Variants in CNTNAP5 observed in about 807,000 individuals in gnomAD.
CNTNAP5 encodes contactin associated protein family member 5.
A neutral mutation model predicts 150.2 loss-of-function variants in CNTNAP5; 72 were observed. That is an observed-to-expected ratio of 0.48 (90% CI 0.40 to 0.58). The LOEUF is 0.58. Ranked by LOEUF, CNTNAP5 falls within the 20% of genes least tolerant of loss-of-function variation. The pLI is 0.00. For synonymous variants in CNTNAP5, 672 were observed against 619.8 expected, an observed-to-expected ratio of 1.08 and a Z score of -1.25; for missense variants, 1,636 against 1,626.2, an observed-to-expected ratio of 1.01 and a Z score of -0.10.
intron 1 of CNTNAP5, among the ~76,000 whole-genome samples, chr2:124,115,052 C>T (rs569199662): frequency 2.0e-5 from 3 of 151,886 alleles, no homozygotes; most frequent in Admixed American, 1.3e-4. Flanking sequence ...ATGATAATAG[C>T]ACATTATTAT....
chr2:124,571,532 T>TTTTC (rs61369793), intron 11 of CNTNAP5, among the ~76,000 whole-genome samples: 2 of 92,688 alleles, frequency 2.2e-5, no homozygotes, highest in African/African-American at 8.4e-5. Context: ...TTTTTCTTTT[T>TTTTC]TTTTTTTTTT....
At chr2:124,637,557 G>GT (rs922849174) in intron 12 of CNTNAP5, among the ~76,000 whole-genome samples, 23 of 152,196 alleles carry the variant, frequency 1.5e-4, no homozygotes, top group Non-Finnish European at 3.4e-4. Flanking sequence ...TTTACAACCA[G>GT]TGAGTGAGTT....
Position 124,479,893 on chromosome 2 carries a change from T to C in CNTNAP5, c.1062+5011T>C, listed in dbSNP as rs1014069952. On this transcript the variant is annotated intron_variant, in intron 7 of 23. Coordinates refer to ENST00000682447, the MANE Select transcript of CNTNAP5 (RefSeq NM_001367498.1). The stretch of plus-strand genomic sequence containing the variant: ...CTCATACATAAAATGAGGGCAAATA[T>C]AGTATCTACTTCAAAGTGTTAGTGT... Among the ~76,000 whole-genome samples the C allele has an allele frequency of 2.6e-5, 4 of 152,118 alleles. 1 individual carries two copies. The highest frequency in any genetic ancestry group is 1.3e-4 in the Admixed American group (2 of 15,264).
intron 8 of CNTNAP5, among the ~76,000 whole-genome samples, chr2:124,505,598 A>G (rs1472399326): frequency 6.6e-6 from 1 of 152,206 alleles, no homozygotes; most frequent in Non-Finnish European, 1.5e-5. Flanking sequence ...TACAGATCTT[A>G]CTGCCTAGCA....
At chr2:124,599,739 T>G (rs1305916678) in intron 11 of CNTNAP5, among the ~76,000 whole-genome samples, 1 of 152,182 alleles carries the variant, frequency 6.6e-6, no homozygotes, top group Non-Finnish European at 1.5e-5. Context: ...TTTGTTTTTG[T>G]TTTTGTTTTT....
intron 1 of CNTNAP5, among the ~76,000 whole-genome samples, chr2:124,040,748 C>G (rs891058109): frequency 1.3e-5 from 2 of 151,686 alleles, no homozygotes; most frequent in Admixed American, 1.3e-4. Context: ...AATTGTGAGA[C>G]TACAATAGAA....
At chr2:124,424,126 A>T (rs952605049) in intron 4 of CNTNAP5, among the ~76,000 whole-genome samples, 3 of 152,192 alleles carry the variant, frequency 2.0e-5, no homozygotes, top group African/African-American at 7.2e-5. Flanking sequence ...AAGTGGTATC[A>T]TCCAAAATTC....
chr2:124,446,862 G>T lies in CNTNAP5; in HGVS notation c.843G>T (p.Val281=). The T allele has an allele frequency of 1.2e-6, 2 of 1,613,934 alleles. No homozygotes were observed. The highest frequency in any genetic ancestry group is 1.7e-6 in the Non-Finnish European group (2 of 1,179,854). The part of the protein sequence containing the change: ...SVLIERVGKQ[V]NFTVDKHTQH... ...TCATTGAGCGGGTGGGCAAGCAGGTGAACTTCACGGTGGACAAGCACACAC... is the reference window on the plus strand; with the variant it reads ...TCATTGAGCGGGTGGGCAAGCAGGTTAACTTCACGGTGGACAAGCACACAC... Residue 281 remains valine (V), a synonymous_variant, in exon 6 of 24, where the codon GTG becomes GTT. Transcript: ENST00000682447.
At chr2:124,315,909 C>T (rs1243747141) in intron 3 of CNTNAP5, among the ~76,000 whole-genome samples, 3 of 152,192 alleles carry the variant, frequency 2.0e-5, no homozygotes, top group African/African-American at 7.2e-5. Context: ...TCTTCATTCT[C>T]ATCTTGAACA....
At chr2:124,377,905 C>T (rs1690691813) in intron 3 of CNTNAP5, among the ~76,000 whole-genome samples, 1 of 151,968 alleles carries the variant, frequency 6.6e-6, no homozygotes. Context: ...ATCTTAAGAA[C>T]AATTTTGATT....
chr2:124,801,589 A>G (rs1271784260), intron 19 of CNTNAP5, among the ~76,000 whole-genome samples: 1 of 152,172 alleles, frequency 6.6e-6, no homozygotes, highest in Non-Finnish European at 1.5e-5. Flanking sequence ...CCCAAGTCTT[A>G]GATTTTGTGA....
At chr2:124,859,199 A>C (rs929596973) in intron 19 of CNTNAP5, among the ~76,000 whole-genome samples, 1 of 152,186 alleles carries the variant, frequency 6.6e-6, no homozygotes, top group Non-Finnish European at 1.5e-5. Flanking sequence ...AATGAACTCA[A>C]ACAAATTTAC....
intron 2 of CNTNAP5, among the ~76,000 whole-genome samples, chr2:124,223,478 G>A (rs1421329646): frequency 6.6e-6 from 1 of 152,074 alleles, no homozygotes; most frequent in Non-Finnish European, 1.5e-5. Context: ...CAGCAGGGTA[G>A]AGAACTGAAC....
chr2:124,300,644 C>T (rs1237510697), intron 3 of CNTNAP5, among the ~76,000 whole-genome samples: 4 of 152,148 alleles, frequency 2.6e-5, no homozygotes, highest in Non-Finnish European at 4.4e-5. Flanking sequence ...ACTGGCAGGC[C>T]ACATGGAAGA....
At chr2:124,781,214 A>C (rs1026993153) in intron 17 of CNTNAP5, among the ~76,000 whole-genome samples, 26 of 152,298 alleles carry the variant, frequency 1.7e-4, no homozygotes, top group Middle Eastern at 3.4e-3. Context: ...GGAGATAAAT[A>C]AGATCCATTC....
intron 1 of CNTNAP5, among the ~76,000 whole-genome samples, chr2:124,044,110 T>G (rs866912637): frequency 1.1e-4 from 16 of 152,214 alleles, no homozygotes; most frequent in Middle Eastern, 3.2e-3. Flanking sequence ...CAGAGTACAT[T>G]GAACTGCAAT....
At chr2:124,775,248 G>T (rs1399832803) in intron 17 of CNTNAP5, among the ~76,000 whole-genome samples, 1 of 152,042 alleles carries the variant, frequency 6.6e-6, no homozygotes, top group Non-Finnish European at 1.5e-5. Flanking sequence ...CAATTCAGTT[G>T]TTCAATAAAT....
rs869162372 is a variant in CNTNAP5 at position 124,713,243 on chromosome 2, C to CTCTTTCTT, written c.2078-33933_2078-33926dup. ...TGTTTCTTTCTTTCTTTCTTTCTTT[C>CTCTTTCTT]TCTTTCTTTCTTTCTTTCTTTCTTT... On this transcript the variant is annotated intron_variant, in intron 13 of 23. Coordinates refer to ENST00000682447, the MANE Select transcript of CNTNAP5 (RefSeq NM_001367498.1). Among the ~76,000 whole-genome samples the CTCTTTCTT allele has an allele frequency of 2.8e-3, 181 of 65,130 alleles. 7 individuals are homozygous for CTCTTTCTT. Among genetic ancestry groups the CTCTTTCTT allele is most frequent in the African/African-American group, 6.8e-3 (119 of 17,378 alleles). 42.7% of individuals were successfully genotyped at this position (65,130 alleles called of 152,430 possible). A position where few individuals can be genotyped will look rare whatever the true frequency, so the allele number is the denominator to read the frequency against.
intron 1 of CNTNAP5, among the ~76,000 whole-genome samples, chr2:124,090,120 C>T (rs1407970100): frequency 6.6e-6 from 1 of 152,164 alleles, no homozygotes; most frequent in Non-Finnish European, 1.5e-5. Flanking sequence ...AAAGTAAAAT[C>T]AGCAAAAATA....
Sources: allele counts gnomAD v4.1 joint callset (sites outside exome capture counted in the v4.1 genomes callset), GRCh38; gene constraint gnomAD v4.1.1; transcripts MANE v1.5; gene names NCBI Gene and HGNC (gene_info 2026-07-23, HGNC 2026-07-21).